The following TOX2 variants were observed in gnomAD, a reference collection of about 807,000 sequenced individuals.
The protein encoded by TOX2 is TOX high mobility group box family member 2, also known as granulosa cell HMG box 1.
TOX2 carries 15 observed loss-of-function variants against 47.4 expected under a neutral mutation model. The observed-to-expected ratio is 0.32, with a 90% CI of 0.21 to 0.49. The LOEUF (loss-of-function observed/expected upper bound fraction) is 0.49. Among genes scored for constraint, TOX2 ranks in the 20% least tolerant of loss-of-function variants. The pLI, the probability that TOX2 is intolerant of heterozygous loss-of-function variation, is 0.99. For synonymous variants in TOX2, 290 were observed against 296.6 expected, an observed-to-expected ratio of 0.98 and a Z score of 0.23; for missense variants, 622 against 673.1, an observed-to-expected ratio of 0.92 and a Z score of 0.84.
intron 3 of TOX2, among the ~76,000 whole-genome samples, chr20:44,015,462 A>T (rs1300663177): frequency 1.3e-5 from 2 of 152,184 alleles, no homozygotes; most frequent in Non-Finnish European, 2.9e-5. Context: ...AGGTTGAAAG[A>T]TTTATGTAAC....
Position 44,005,721 on chromosome 20 carries a change from A to G in TOX2, c.166-826A>G, listed in dbSNP as rs550319940. 1.8e-3 allele frequency among the ~76,000 whole-genome samples: 278 copies of G among 152,340 alleles called. 2 individuals are homozygous for G. The highest frequency in any genetic ancestry group is 5.6e-3 in the African/African-American group (234 of 41,574). On this transcript the variant is annotated intron_variant, in intron 2 of 8. Coordinates refer to ENST00000341197, the MANE Select transcript of TOX2 (RefSeq NM_001098797.2). ...TGGATGCAGGGGGAAAGAATTTGAT[A>G]CAATTGAAAAGCCATGCATGATTTT...
At chr20:44,024,635 C>T (rs954505734) in intron 3 of TOX2, among the ~76,000 whole-genome samples, 3 of 151,884 alleles carry the variant, frequency 2.0e-5, no homozygotes, top group Non-Finnish European at 4.4e-5. Context: ...AAAAATGGCA[C>T]ATGTTCACTG....
chr20:44,016,867 G>C (rs1398723377), intron 3 of TOX2, among the ~76,000 whole-genome samples: 4 of 152,190 alleles, frequency 2.6e-5, no homozygotes, highest in African/African-American at 9.7e-5. Flanking sequence ...ATTTAAAGGT[G>C]TGTCCAAAAA....
At chr20:44,033,681 CAA>C (rs756841511) in intron 3 of TOX2, among the ~76,000 whole-genome samples, 70 of 129,758 alleles carry the variant, frequency 5.4e-4, no homozygotes, top group Non-Finnish European at 7.7e-4. Context: ...ACGGTTCATC[CAA>C]AAAAAAAAAA....
chr20:44,007,781 G>A (rs781685388), intron 3 of TOX2, among the ~76,000 whole-genome samples: 46 of 152,032 alleles, frequency 3.0e-4, no homozygotes, highest in Non-Finnish European at 4.9e-4. Flanking sequence ...TCAAGGCTGT[G>A]GTGACAGAGT....
chr20:43,998,262 G>C (rs2070513323), intron 2 of TOX2, among the ~76,000 whole-genome samples: 1 of 152,182 alleles, frequency 6.6e-6, no homozygotes, highest in Non-Finnish European at 1.5e-5. Flanking sequence ...GCCCCTGCCT[G>C]AACTCTGAGA....
chr20:44,025,658 C>T (rs1371433357), intron 3 of TOX2, among the ~76,000 whole-genome samples: 1 of 149,410 alleles, frequency 6.7e-6, no homozygotes, highest in Non-Finnish European at 1.5e-5. Context: ...TTCTCCCCTC[C>T]CACCACATGT....
At chr20:44,061,683 T>C (rs1027401602) in intron 5 of TOX2, among the ~76,000 whole-genome samples, 1 of 151,890 alleles carries the variant, frequency 6.6e-6, no homozygotes, top group Non-Finnish European at 1.5e-5. Flanking sequence ...TGTTGCTGTT[T>C]GCTGATGATA....
At chr20:44,018,519 G>A (rs1246187949) in intron 3 of TOX2, among the ~76,000 whole-genome samples, 2 of 152,058 alleles carry the variant, frequency 1.3e-5, no homozygotes, top group African/African-American at 4.8e-5. Flanking sequence ...ATGTACCGTC[G>A]GCATTGCTGA....
intron 2 of TOX2, among the ~76,000 whole-genome samples, chr20:43,985,626 G>T (rs1189747724): frequency 6.6e-6 from 1 of 152,200 alleles, no homozygotes; most frequent in East Asian, 1.9e-4. Flanking sequence ...TAGTTAGCCT[G>T]AGGTGCTACT....
chr20:44,001,545 T>A (rs2145584658), intron 2 of TOX2, among the ~76,000 whole-genome samples: 1 of 152,382 alleles, frequency 6.6e-6, no homozygotes, highest in Middle Eastern at 3.4e-3. Context: ...GTGATTCCAA[T>A]ATTTTGATAC....
intron 1 of TOX2, among the ~76,000 whole-genome samples, chr20:43,937,751 A>G (rs2069345733): frequency 6.6e-6 from 1 of 152,162 alleles, no homozygotes; most frequent in Admixed American, 6.5e-5. Flanking sequence ...TCGAGTCCCC[A>G]TGCGGATCTG....
intron 3 of TOX2, among the ~76,000 whole-genome samples, chr20:44,027,674 A>G (rs1201293916): frequency 6.6e-6 from 1 of 152,218 alleles, no homozygotes; most frequent in South Asian, 2.1e-4. Flanking sequence ...CCCAGACACC[A>G]GTTGACTTCA....
intron 1 of TOX2, among the ~76,000 whole-genome samples, chr20:43,957,702 A>G (rs2069691570): frequency 6.6e-6 from 1 of 151,020 alleles, no homozygotes; most frequent in South Asian, 2.1e-4. Flanking sequence ...TTACACTTCT[A>G]TAAAGACATA....
intron 1 of TOX2, among the ~76,000 whole-genome samples, chr20:43,934,834 G>T (rs1020610248): frequency 7.5e-6 from 1 of 134,142 alleles, no homozygotes; most frequent in Non-Finnish European, 1.7e-5. Context: ...GTATGTGGGG[G>T]TGTGTGTTGG....
At chr20:43,917,838 G>A (rs1355162600) in intron 1 of TOX2, among the ~76,000 whole-genome samples, 1 of 152,182 alleles carries the variant, frequency 6.6e-6, no homozygotes, top group Non-Finnish European at 1.5e-5. Context: ...TAACAGGTAT[G>A]AAGAAGACTC....
intron 1 of TOX2, among the ~76,000 whole-genome samples, chr20:43,973,016 A>G (rs2070004092): frequency 1.3e-5 from 2 of 152,224 alleles, no homozygotes; most frequent in South Asian, 4.1e-4. Context: ...TATAATTTTG[A>G]TCAAGGGAGG....
chr20:44,014,820 C>T (rs1369303772), intron 3 of TOX2, among the ~76,000 whole-genome samples: 1 of 152,088 alleles, frequency 6.6e-6, no homozygotes, highest in Non-Finnish European at 1.5e-5. Context: ...TGCTGCTTAC[C>T]AACTTTGTCG....
intron 2 of TOX2, among the ~76,000 whole-genome samples, chr20:43,991,580 A>C (rs1355333537): frequency 6.6e-6 from 1 of 151,538 alleles, no homozygotes; most frequent in Non-Finnish European, 1.5e-5. Flanking sequence ...CAAATGGTGG[A>C]ATTTATATCC....
Sources: allele counts gnomAD v4.1 joint callset (sites outside exome capture counted in the v4.1 genomes callset), GRCh38; gene constraint gnomAD v4.1.1; transcripts MANE v1.5; gene names NCBI Gene and HGNC (gene_info 2026-07-23, HGNC 2026-07-21).